OSBPL1A: variants seen among roughly 807,000 people sequenced by gnomAD.
OSBPL1A encodes oxysterol-binding protein-related protein 1.
In OSBPL1A, 80 loss-of-function variants were observed where a neutral mutation model predicts 137.1. The observed-to-expected ratio is 0.58, with a 90% confidence interval of 0.49 to 0.70. OSBPL1A has a LOEUF of 0.70. Among genes scored for constraint, OSBPL1A ranks in the 30% least tolerant of loss-of-function variants. The pLI is 0.00. For synonymous variants in OSBPL1A, 365 were observed against 389.7 expected (o/e 0.94, Z 0.75); for missense variants, 970 against 1,129.4 (o/e 0.86, Z 2.02).
intron 18 of OSBPL1A, among the ~76,000 whole-genome samples, chr18:24,187,331 G>C (rs868198550): frequency 2.0e-5 from 3 of 152,172 alleles, no homozygotes; most frequent in Non-Finnish European, 4.4e-5. Flanking sequence ...TAGCACAGCA[G>C]TGCGAGTGTA....
In OSBPL1A at chr18:24,324,103, A is replaced by C. The variant is rs1402327527; in HGVS notation, c.626-5294T>G. The stretch of plus-strand genomic sequence containing the variant: ...CCAGGAGTGGTGGTGAGCACTTGTA[A>C]TCCCAGCTACTCAGGAGGCTGAGGC... On this transcript the variant is annotated intron_variant, in intron 7 of 27. Transcript: ENST00000319481. Among the ~76,000 whole-genome samples the C allele has an allele frequency of 2.5e-5, 2 of 79,174 alleles. 1 individual carries two copies. The highest frequency in any genetic ancestry group is 5.1e-5 in the Non-Finnish European group (2 of 39,042). 51.9% of individuals were successfully genotyped at this position (79,174 alleles called of 152,430 possible). A position where few individuals can be genotyped will look rare whatever the true frequency, so the allele number is the denominator to read the frequency against.
At chr18:24,192,587 A>C (rs1482830943) in intron 18 of OSBPL1A, among the ~76,000 whole-genome samples, 1 of 152,222 alleles carries the variant, frequency 6.6e-6, no homozygotes, top group Non-Finnish European at 1.5e-5. Flanking sequence ...TCAGTATTGG[A>C]AATCAAAGTG....
At chr18:24,353,947 T>C (rs1310593543) in intron 4 of OSBPL1A, among the ~76,000 whole-genome samples, 2 of 147,342 alleles carry the variant, frequency 1.4e-5, no homozygotes, top group Non-Finnish European at 3.0e-5. Flanking sequence ...GGGATAGCAT[T>C]AGGAGATATA....
chr18:24,383,698 G>A (rs1441065893), intron 1 of OSBPL1A, among the ~76,000 whole-genome samples: 3 of 152,238 alleles, frequency 2.0e-5, no homozygotes, highest in East Asian at 1.9e-4. Context: ...AGGTTGCAAT[G>A]AGCTGAGATC....
chr18:24,275,346 G>T (rs1158259050), intron 15 of OSBPL1A, among the ~76,000 whole-genome samples: 3 of 152,126 alleles, frequency 2.0e-5, no homozygotes. Flanking sequence ...AAACTGGAGT[G>T]AAGAGTGGTA....
At chr18:24,165,213 A>C in intron 26 of OSBPL1A, 58 bp from the exon 27 acceptor site, 1 of 1,443,890 alleles carries the variant, frequency 6.9e-7, no homozygotes, top group Non-Finnish European at 9.7e-7. Flanking sequence ...TGCCAGGCAC[A>C]GTATTAAGCA....
At chr18:24,190,193 G>T (rs1271303783) in intron 18 of OSBPL1A, among the ~76,000 whole-genome samples, 2 of 152,012 alleles carry the variant, frequency 1.3e-5, no homozygotes, top group East Asian at 1.9e-4. Flanking sequence ...CTGCAAGCTT[G>T]CCCTGGATCA....
chr18:24,329,695 A>G (rs2146138204), intron 7 of OSBPL1A, among the ~76,000 whole-genome samples: 1 of 152,280 alleles, frequency 6.6e-6, no homozygotes, highest in East Asian at 1.9e-4. Flanking sequence ...AAACATAGGT[A>G]CACTGGCCTG....
At chr18:24,231,679 T>C (rs1385231110) in intron 16 of OSBPL1A, among the ~76,000 whole-genome samples, 4 of 152,250 alleles carry the variant, frequency 2.6e-5, no homozygotes, top group Admixed American at 6.5e-5. Context: ...CAAAATAGCA[T>C]GGAAGCCAAT....
chr18:24,258,270 A>C (rs994006921), intron 15 of OSBPL1A, among the ~76,000 whole-genome samples: 5 of 152,184 alleles, frequency 3.3e-5, no homozygotes, highest in African/African-American at 1.2e-4. Flanking sequence ...CACACAATGG[A>C]ATACCATTCA....
In OSBPL1A at chr18:24,395,362, T is replaced by A. The variant is rs143427137; in HGVS notation, c.-3+2293A>T. Among the ~76,000 whole-genome samples the A allele has an allele frequency of 6.1e-3, 931 of 152,312 alleles. 15 individuals carry two copies. The highest frequency in any genetic ancestry group is 0.021 in the African/African-American group (872 of 41,570). On this transcript the variant is annotated intron_variant, in intron 1 of 27. Transcript: ENST00000319481. ...TACTTTTCTCAATGAAAACATATGA[T>A]GTATAAAAGCTCAGCTTCCAGTAAT...
intron 18 of OSBPL1A, among the ~76,000 whole-genome samples, chr18:24,187,050 T>C (rs995070220): frequency 6.6e-6 from 1 of 151,274 alleles, no homozygotes; most frequent in Admixed American, 6.6e-5. Flanking sequence ...TAAGGAAAAA[T>C]TGGCGTAGAA....
chr18:24,268,561 GA>G (rs35365853), intron 15 of OSBPL1A, among the ~76,000 whole-genome samples: 10,774 of 151,336 alleles, frequency 0.071, 427 homozygotes, highest in African/African-American at 0.091. Flanking sequence ...AAAAATAAAG[GA>G]AAAAAAAGAT....
intron 17 of OSBPL1A, among the ~76,000 whole-genome samples, chr18:24,221,215 C>T (rs1261517803): frequency 6.6e-6 from 1 of 152,192 alleles, no homozygotes; most frequent in African/African-American, 2.4e-5. Flanking sequence ...TCTTAGCTTA[C>T]GTTTTCAGCC....
intron 7 of OSBPL1A, among the ~76,000 whole-genome samples, chr18:24,321,275 T>C (rs2090850059): frequency 1.3e-5 from 2 of 152,154 alleles, no homozygotes; most frequent in African/African-American, 4.8e-5. Flanking sequence ...GTGGTTTTTG[T>C]TAAAGGGTGT....
At chr18:24,321,021 T>A (rs1402656471) in intron 7 of OSBPL1A, among the ~76,000 whole-genome samples, 2 of 126,200 alleles carry the variant, frequency 1.6e-5, no homozygotes, top group Non-Finnish European at 3.3e-5. Flanking sequence ...AGAGCAAGAC[T>A]TCGTCTCAAA....
chr18:24,310,494 C>T lies in OSBPL1A; in HGVS notation c.1092+1490G>A, dbSNP rs1239082945. Among the ~76,000 whole-genome samples, 5 of 146,856 alleles carry T rather than the reference C, an allele frequency of 3.4e-5. 1 individual carries two copies. The highest frequency in any genetic ancestry group is 5.0e-5 in the African/African-American group (2 of 39,772). ...GCAGGCGCCTGTAGTCCCAGCTACT[C>T]GGCAGGCTGAGGCAGGGGAATGGCG... is the stretch of plus-strand genomic sequence containing the variant. On this transcript the variant is annotated intron_variant, in intron 13 of 27. Coordinates refer to ENST00000319481, the MANE Select transcript of OSBPL1A (RefSeq NM_080597.4).
At chr18:24,346,673 T>G (rs1025189458) in intron 4 of OSBPL1A, among the ~76,000 whole-genome samples, 3 of 152,228 alleles carry the variant, frequency 2.0e-5, no homozygotes, top group Non-Finnish European at 2.9e-5. Flanking sequence ...TAATACTCCA[T>G]TGCATGACTA....
At position 24,167,440 on chromosome 18, in the gene OSBPL1A, G is replaced by A; in HGVS notation, c.2424C>T (p.Ser808=). 2 of 1,613,756 alleles carry A rather than the reference G, an allele frequency of 1.2e-6. No homozygotes were observed. The highest frequency in any genetic ancestry group is 1.7e-6 in the Non-Finnish European group (2 of 1,179,640). The stretch of plus-strand genomic sequence containing the variant: ...GCATTTCATCCAACTCCTCAGAGGT[G>A]CTCATCTAGAAAAACCAATCAATGA... ...TEEKKNSKQM[S]TSEELDEMPV... is the part of the protein sequence containing the mutation. The change falls in exon 25 of 28, where the codon AGC becomes AGT. Residue 808 remains serine, a synonymous_variant. Transcript: ENST00000319481.
Sources: gnomAD v4.1 joint callset for allele counts (sites outside exome capture counted in the v4.1 genomes callset) on GRCh38, gnomAD v4.1.1 for gene constraint, MANE v1.5 for transcripts, NCBI Gene and HGNC (gene_info 2026-07-23, HGNC 2026-07-21) for gene names.